TMEM131: variants seen among roughly 807,000 people sequenced by gnomAD.
TMEM131 encodes the protein transmembrane protein 131.
A neutral mutation model predicts 211.6 loss-of-function variants in TMEM131; 66 were observed. The observed-to-expected ratio is 0.31, with a 90% confidence interval of 0.26 to 0.38. The LOEUF (loss-of-function observed/expected upper bound fraction) is 0.38. Among genes scored for constraint, TMEM131 ranks in the 10% least tolerant of loss-of-function variants. The pLI is 1.00. For synonymous variants in TMEM131, 844 were observed against 841.3 expected, an observed-to-expected ratio of 1.00 and a Z score of -0.06; for missense variants, 2,036 against 2,299.3, an observed-to-expected ratio of 0.89 and a Z score of 2.34.
intron 15 of TMEM131, among the ~76,000 whole-genome samples, 194 bp downstream of exon 15, chr2:97,813,777 C>T (rs1413414037): frequency 6.6e-6 from 1 of 152,160 alleles, no homozygotes; most frequent in East Asian, 1.9e-4. Flanking sequence ...GAGAAGTCAA[C>T]TGTATCACAA....
At chr2:97,782,515 A>G (rs1680059588) in intron 31 of TMEM131, among the ~76,000 whole-genome samples, 1 of 152,136 alleles carries the variant, frequency 6.6e-6, no homozygotes, top group African/African-American at 2.4e-5. Flanking sequence ...AAAACAATAA[A>G]CAGATGCCAA....
In TMEM131 at chr2:97,879,305, T is replaced by C. The variant is rs138670136; in HGVS notation, c.359+8747A>G. On this transcript the variant is annotated intron_variant, in intron 4 of 40. Coordinates refer to ENST00000186436, the MANE Select transcript of TMEM131 (RefSeq NM_015348.2). The stretch of plus-strand genomic sequence containing the variant: ...AGAGACAGAAGACTCCTGGTGGTGT[T>C]AGAGCAAGTGAATGCTGTTGTTCCC... Among the ~76,000 whole-genome samples, 4 of 152,312 alleles carry C rather than the reference T, an allele frequency of 2.6e-5. No individual in the cohort carries two copies. In the East Asian group the frequency reaches 7.7e-4, roughly 29 times the overall value.
intron 40 of TMEM131, among the ~76,000 whole-genome samples, chr2:97,758,389 G>C (rs912392089): frequency 6.6e-6 from 1 of 152,218 alleles, no homozygotes; most frequent in African/African-American, 2.4e-5. Context: ...TTTCAGCATG[G>C]TCTTTGCAGA....
chr2:97,879,157 C>T (rs1233661684), intron 4 of TMEM131, among the ~76,000 whole-genome samples: 1 of 152,206 alleles, frequency 6.6e-6, no homozygotes, highest in Admixed American at 6.5e-5. Flanking sequence ...AACAGAGCTT[C>T]CCAGTGGAGT....
chr2:97,827,062 G>GCTT (rs1682424929), intron 11 of TMEM131, among the ~76,000 whole-genome samples: 1 of 87,282 alleles, frequency 1.1e-5, no homozygotes, highest in East Asian at 3.7e-4. Flanking sequence ...TTCAGTAAGT[G>GCTT]ATAAGCAAAA....
chr2:97,834,550 C>T (rs1464121800), intron 10 of TMEM131, 71 bp downstream of exon 10: 6 of 1,076,496 alleles, frequency 5.6e-6, no homozygotes, highest in Non-Finnish European at 7.9e-6. Flanking sequence ...ATAGTAGAGC[C>T]ATTCAGCACT....
At chr2:97,913,390 G>A (rs1676372158) in intron 2 of TMEM131, among the ~76,000 whole-genome samples, 1 of 152,164 alleles carries the variant, frequency 6.6e-6, no homozygotes. Context: ...TGTATTTCCA[G>A]TGGTCCTTGC....
At chr2:97,915,807 T>C (rs900976065) in intron 2 of TMEM131, among the ~76,000 whole-genome samples, 11 of 152,198 alleles carry the variant, frequency 7.2e-5, no homozygotes, top group Non-Finnish European at 1.2e-4. Context: ...AAGTCCATGA[T>C]CCATTTTGAG....
At chr2:97,781,138 G>C (rs139599000) in intron 31 of TMEM131, among the ~76,000 whole-genome samples, 2 of 152,102 alleles carry the variant, frequency 1.3e-5, no homozygotes, top group African/African-American at 2.4e-5. Context: ...CCAGGCTCCC[G>C]GCATGGACCC....
chr2:97,976,809 A>G (rs1679555321), intron 1 of TMEM131, among the ~76,000 whole-genome samples: 1 of 152,202 alleles, frequency 6.6e-6, no homozygotes, highest in Non-Finnish European at 1.5e-5. Flanking sequence ...ATAGATTAAC[A>G]GAACAAAAGA....
intron 11 of TMEM131, among the ~76,000 whole-genome samples, chr2:97,829,560 G>A (rs928744951): frequency 4.0e-5 from 6 of 151,742 alleles, no homozygotes; most frequent in African/African-American, 7.2e-5. Flanking sequence ...AGAACATGGC[G>A]GGGAGCCAAA....
intron 3 of TMEM131, among the ~76,000 whole-genome samples, chr2:97,893,061 C>T (rs983729025): frequency 6.6e-6 from 1 of 151,850 alleles, no homozygotes. Context: ...GCCCAACCCC[C>T]GACAGGCGTG....
chr2:97,928,187 C>T (rs377318768), intron 1 of TMEM131, among the ~76,000 whole-genome samples: 11 of 152,116 alleles, frequency 7.2e-5, no homozygotes, highest in East Asian at 5.8e-4. Flanking sequence ...GGTGAACAGA[C>T]AAACTGTGGT....
At chr2:97,803,900 G>C (rs1309652389) in intron 22 of TMEM131, among the ~76,000 whole-genome samples, 1 of 152,122 alleles carries the variant, frequency 6.6e-6, no homozygotes, top group Non-Finnish European at 1.5e-5. Context: ...GGAAATACAG[G>C]GTACAAAGGA....
At chr2:97,777,977 G>C (rs966334306) in intron 31 of TMEM131, among the ~76,000 whole-genome samples, 1 of 152,180 alleles carries the variant, frequency 6.6e-6, no homozygotes, top group Non-Finnish European at 1.5e-5. Context: ...CTTACATTCT[G>C]AGAGTTCAAC....
At chr2:97,837,521 C>T (rs1294743670) in intron 7 of TMEM131, among the ~76,000 whole-genome samples, 1 of 152,122 alleles carries the variant, frequency 6.6e-6, no homozygotes, top group Non-Finnish European at 1.5e-5. Context: ...TACAGTAACA[C>T]AAAGTGCTTC....
rs896579919 is a variant in TMEM131 at position 97,802,494 on chromosome 2, T to C, written c.2585A>G (p.Tyr862Cys). 5 of 1,612,386 alleles carry C rather than the reference T, an allele frequency of 3.1e-6. No individual in the cohort carries two copies. The highest frequency in any genetic ancestry group is 2.2e-5 in the East Asian group (1 of 44,780). Residue 862 changes from tyrosine (Y) to cysteine (C), a missense_variant, in exon 24 of 41, where the codon TAT becomes TGT. Tyr to Cys is a radical substitution (Grantham distance 194). This residue lies in a region of TMEM131 where 1,623 missense variants were observed against 1,805.9 expected (regional missense o/e 0.90). Coordinates refer to ENST00000186436, the MANE Select transcript of TMEM131 (RefSeq NM_015348.2). ...TAAAGCCAGAGGAATAAACTGAACA[T>C]AGACAGGAACATCTGCAGGATTTTC... ...TLENPADVPVYVQFIPLALYS... is the reference protein window; with the variant it reads ...TLENPADVPVCVQFIPLALYS...
At chr2:97,948,878 C>T (rs895157969) in intron 1 of TMEM131, among the ~76,000 whole-genome samples, 29 of 152,054 alleles carry the variant, frequency 1.9e-4, no homozygotes, top group Non-Finnish European at 4.0e-4. Context: ...AGGATGGTCT[C>T]GATCTCCTGA....
intron 5 of TMEM131, among the ~76,000 whole-genome samples, chr2:97,847,558 T>C (rs374045979): frequency 1.3e-5 from 2 of 152,196 alleles, no homozygotes; most frequent in African/African-American, 4.8e-5. Flanking sequence ...AAATATTGTG[T>C]TCATGGGTTA....
Sources: allele counts gnomAD v4.1 joint callset (sites outside exome capture counted in the v4.1 genomes callset), GRCh38; gene constraint gnomAD v4.1.1; regional missense constraint gnomAD v4.1.1; transcripts MANE v1.5; gene names NCBI Gene and HGNC (gene_info 2026-07-23, HGNC 2026-07-21).